Variants in TMTC1 observed in about 807,000 individuals in gnomAD.
TMTC1 encodes transmembrane O-mannosyltransferase targeting cadherins 1.
TMTC1 carries 73 observed loss-of-function variants against 104.8 expected under a neutral mutation model. The ratio of observed to expected loss-of-function variants is 0.70; its 90% CI spans 0.58 to 0.85. TMTC1 has a LOEUF of 0.85. Among genes scored for constraint, TMTC1 ranks in the 40% least tolerant of loss-of-function variants. The pLI is 0.00. For missense variants in TMTC1, 1,035 were observed against 1,096.1 expected (o/e 0.94, Z 0.79); for synonymous variants, 434 against 428.7 (o/e 1.01, Z -0.15).
intron 2 of TMTC1, among the ~76,000 whole-genome samples, chr12:29,759,047 C>T (rs759739977): frequency 3.5e-4 from 54 of 152,130 alleles, no homozygotes; most frequent in Admixed American, 2.5e-3. Context: ...CGTCAATTCA[C>T]GGCATCAAAA....
intron 2 of TMTC1, among the ~76,000 whole-genome samples, chr12:29,765,174 T>C (rs193223505): frequency 6.6e-6 from 1 of 152,194 alleles, no homozygotes; most frequent in African/African-American, 2.4e-5. Context: ...AAAAAGAACA[T>C]TAAAAACTTA....
chr12:29,693,579 C>A (rs948932013), intron 5 of TMTC1, among the ~76,000 whole-genome samples: 10 of 152,108 alleles, frequency 6.6e-5, no homozygotes, highest in Non-Finnish European at 1.3e-4. Flanking sequence ...CTGTCTACTT[C>A]TGTGAGATCA....
chr12:29,682,509 C>A (rs548856196), intron 5 of TMTC1, among the ~76,000 whole-genome samples: 1 of 152,204 alleles, frequency 6.6e-6, no homozygotes, highest in Non-Finnish European at 1.5e-5. Context: ...AAATGTACCA[C>A]AGTCTGTGAA....
intron 1 of TMTC1, among the ~76,000 whole-genome samples, chr12:29,770,516 C>T: frequency 6.6e-6 from 1 of 152,142 alleles, no homozygotes; most frequent in East Asian, 1.9e-4. Context: ...CACGCTTGCA[C>T]AAGATATCGT....
At chr12:29,604,135 C>G (rs1303730094) in intron 7 of TMTC1, 43 bp downstream of exon 7, 1 of 1,609,572 alleles carries the variant, frequency 6.2e-7, no homozygotes. Context: ...ATGTTGGTGA[C>G]AGAGGGCAGG....
chr12:29,591,193 C>T (rs1565693370), intron 7 of TMTC1, among the ~76,000 whole-genome samples: 1 of 152,198 alleles, frequency 6.6e-6, no homozygotes, highest in South Asian at 2.1e-4. Context: ...AAGATCAAGA[C>T]GTTTCTCCAC....
chr12:29,572,116 T>C lies in TMTC1; in HGVS notation c.1521A>G (p.Arg507=). The C allele has an allele frequency of 6.2e-7, 1 of 1,613,826 alleles. No homozygotes were observed. The highest frequency in any genetic ancestry group is 8.5e-7 in the Non-Finnish European group (1 of 1,179,742). Residue 507 remains arginine (R), a synonymous_variant, in exon 9 of 18, where the codon AGA becomes AGG. Coordinates refer to ENST00000539277, the MANE Select transcript of TMTC1 (RefSeq NM_001193451.2). ...TGTGTGGCGCTTACTTGAGAGCTGT[T>C]CTGTAGTGGTAGATCGCTTCCTTGT... ...GRNKEAIYHY[R]TALKLYPRHA... is the part of the protein sequence containing the mutation.
intron 5 of TMTC1, among the ~76,000 whole-genome samples, chr12:29,723,572 T>A (rs1479151458): frequency 1.3e-5 from 2 of 151,960 alleles, no homozygotes; most frequent in East Asian, 1.9e-4. Context: ...CTTTTTTTTT[T>A]AATTAGTCAG....
chr12:29,707,465 C>T (rs1042322660), intron 5 of TMTC1, among the ~76,000 whole-genome samples: 1 of 152,164 alleles, frequency 6.6e-6, no homozygotes, highest in African/African-American at 2.4e-5. Flanking sequence ...CTCCAGGCAT[C>T]GCGTCCTCTA....
chr12:29,550,716 T>C (rs1945073759), intron 10 of TMTC1, among the ~76,000 whole-genome samples: 1 of 151,856 alleles, frequency 6.6e-6, no homozygotes, highest in Non-Finnish European at 1.5e-5. Context: ...AGGAACTTGG[T>C]GATGGATCTT....
Position 29,504,507 on chromosome 12 carries a change from T to G in TMTC1, c.*2339A>C, listed in dbSNP as rs1210054443. ...GTATCTGATCCAACAAATAATTACT[T>G]TTTTAAAAAACAGTGCTTACTTTTA... is the stretch of plus-strand genomic sequence containing the variant. On this transcript the variant is annotated 3_prime_UTR_variant, in exon 18 of 18. Transcript: ENST00000539277. The G allele has an allele frequency of 6.6e-6, 1 of 152,150 alleles. No individual in the cohort carries two copies. The highest frequency in any genetic ancestry group is 1.5e-5 in the Non-Finnish European group (1 of 68,034). 9.4% of individuals were successfully genotyped at this position (152,150 alleles called of 1,614,324 possible). A position where few individuals can be genotyped will look rare whatever the true frequency, so the allele number is the denominator to read the frequency against.
chr12:29,770,309 G>A (rs1943566941), intron 1 of TMTC1, among the ~76,000 whole-genome samples: 1 of 152,112 alleles, frequency 6.6e-6, no homozygotes, highest in South Asian at 2.1e-4. Context: ...TGGTAGGCAT[G>A]AATCACCTTT....
intron 6 of TMTC1, among the ~76,000 whole-genome samples, chr12:29,625,302 C>A (rs960449514): frequency 6.6e-6 from 1 of 152,206 alleles, no homozygotes; most frequent in African/African-American, 2.4e-5. Context: ...ATCACACACA[C>A]ACAAAACAGG....
At chr12:29,779,066 T>C (rs1306104361) in intron 1 of TMTC1, among the ~76,000 whole-genome samples, 3 of 152,190 alleles carry the variant, frequency 2.0e-5, no homozygotes, top group African/African-American at 7.2e-5. Context: ...CACTCTTCCC[T>C]GCAGAGCTGC....
At chr12:29,627,336 C>A (rs548695225) in intron 6 of TMTC1, among the ~76,000 whole-genome samples, 1 of 152,096 alleles carries the variant, frequency 6.6e-6, no homozygotes, top group South Asian at 2.1e-4. Flanking sequence ...ATAAGGATGG[C>A]CAATAAACAT....
At position 29,515,388 on chromosome 12, in the gene TMTC1, C is replaced by T. The variant is rs148041044; in HGVS notation, c.2308-784G>A. The stretch of plus-strand genomic sequence containing the variant: ...TAAGGAACAAAACCCTTGGCCTGGC[C>T]CCAAGGAGTCTCCTCCCAGCAGCCT... On this transcript the variant is annotated intron_variant, in intron 15 of 17. Transcript: ENST00000539277. Among the ~76,000 whole-genome samples, 256 of 152,252 alleles carry T rather than the reference C, an allele frequency of 1.7e-3. 1 individual carries two copies. The highest frequency in any genetic ancestry group is 5.7e-3 in the African/African-American group (238 of 41,556).
chr12:29,513,875 GCACA>G (rs945514482), intron 16 of TMTC1, among the ~76,000 whole-genome samples: 2 of 151,962 alleles, frequency 1.3e-5, no homozygotes, highest in African/African-American at 4.8e-5. Context: ...GTGCGTGCCT[GCACA>G]CACAGAGACA....
At chr12:29,544,105 G>A (rs368181438) in intron 10 of TMTC1, among the ~76,000 whole-genome samples, 5 of 151,904 alleles carry the variant, frequency 3.3e-5, no homozygotes, top group South Asian at 4.2e-4. Flanking sequence ...TTAGCTGGGC[G>A]TGGTGGTGGC....
intron 9 of TMTC1, among the ~76,000 whole-genome samples, chr12:29,563,475 TGAG>T (rs1487992366): frequency 6.6e-6 from 1 of 152,042 alleles, no homozygotes; most frequent in Non-Finnish European, 1.5e-5. Context: ...AAGGAGATCA[TGAG>T]GAGTGGGGAG....
Sources: allele counts gnomAD v4.1 joint callset (sites outside exome capture counted in the v4.1 genomes callset), GRCh38; gene constraint gnomAD v4.1.1; transcripts MANE v1.5; gene names NCBI Gene and HGNC (gene_info 2026-07-23, HGNC 2026-07-21).